Variants in KLHL30 observed in about 807,000 individuals in gnomAD.
KLHL30 encodes kelch-like protein 30.
Under a neutral mutation model 55.0 loss-of-function variants are expected in KLHL30, and 55 were observed. The ratio of observed to expected loss-of-function variants is 1.00; its 90% CI spans 0.80 to 1.25. The LOEUF is 1.25. Among genes scored for constraint, KLHL30 ranks in the 50% most tolerant of loss-of-function variants. KLHL30 has a pLI of 0.00. For missense variants in KLHL30, 786 were observed against 811.6 expected (o/e 0.97, Z 0.38); for synonymous variants, 356 against 372.6 (o/e 0.96, Z 0.51).
intron 7 of KLHL30, among the ~76,000 whole-genome samples, chr2:238,149,364 C>G (rs1250564787): frequency 6.6e-6 from 1 of 151,286 alleles, no homozygotes; most frequent in Non-Finnish European, 1.5e-5. Flanking sequence ...GTGGCGCAGG[C>G]TGGGGTGCCC....
intron 1 of KLHL30, among the ~76,000 whole-genome samples, chr2:238,139,827 AGACTT>A: frequency 6.6e-6 from 1 of 152,350 alleles, no homozygotes; most frequent in South Asian, 2.1e-4. Context: ...GCTTGTGCAC[AGACTT>A]GATCTCTCCT....
chr2:238,145,853 C>A (rs1372133841), intron 5 of KLHL30, 21 bp downstream of exon 5: 2 of 1,575,690 alleles, frequency 1.3e-6, no homozygotes, highest in African/African-American at 1.3e-5. Context: ...CCTCTCCACC[C>A]TTCCCTGGGG....
chr2:238,150,853 G>T lies in KLHL30; in HGVS notation c.1525G>T (p.Val509Leu), dbSNP rs1302890043. The T allele has an allele frequency of 5.6e-6, 9 of 1,593,128 alleles. No homozygotes were observed. The highest frequency in any genetic ancestry group is 1.1e-5 in the South Asian group (1 of 87,572). The change falls in exon 8 of 8, where the codon GTG becomes TTG. Residue 509 changes from valine (V) to leucine (L), a missense_variant. Val to Leu is a conservative substitution (Grantham distance 32, BLOSUM62 1). Coordinates refer to ENST00000409223, the MANE Select transcript of KLHL30 (RefSeq NM_198582.4). ...CAGCCTGCATGAGAATGGCGCGCTGGTGCCACTGGGTGATGCGCTGTACGT... is the reference window on the plus strand; with the variant it reads ...CAGCCTGCATGAGAATGGCGCGCTGTTGCCACTGGGTGATGCGCTGTACGT... The part of the protein sequence containing the change: ...QHSLHENGAL[V>L]PLGDALYVTG...
At chr2:238,149,311 T>C (rs1324508392) in intron 7 of KLHL30, among the ~76,000 whole-genome samples, 159 bp downstream of exon 7, 5 of 134,306 alleles carry the variant, frequency 3.7e-5, no homozygotes, top group Non-Finnish European at 6.3e-5. Flanking sequence ...GTGAAGGGGG[T>C]GGCGCAGGCT....
chr2:238,151,142 G>C lies in KLHL30; in HGVS notation c.*77G>C, dbSNP rs563523991. ...CTGTGGAACGGCCCCTTTCATTTTC[G>C]CTTATTTGTTCACTCGGAGCTACCA... On this transcript the variant is annotated 3_prime_UTR_variant, in exon 8 of 8. Transcript: ENST00000409223. 1 of 1,497,772 alleles carries C rather than the reference G, an allele frequency of 6.7e-7. No homozygotes were observed. The highest frequency in any genetic ancestry group is 9.0e-7 in the Non-Finnish European group (1 of 1,116,320). The allele number at this position is 1,497,772 out of a possible 1,614,324, so 92.8% of individuals were successfully genotyped here. A position where few individuals can be genotyped will look rare whatever the true frequency, so the allele number is the denominator to read the frequency against.
In KLHL30 at chr2:238,149,521, G is replaced by A. The variant is rs543973041; in HGVS notation, c.1485+369G>A. On this transcript the variant is annotated intron_variant, in intron 7 of 7. Transcript: ENST00000409223. ...GAGTCCCCTTGAGGACAGGGGTGAC[G>A]GTGATGGTGGGAGAACGCGATTTGG... is the stretch of plus-strand genomic sequence containing the variant. 9.2e-5 allele frequency among the ~76,000 whole-genome samples: 14 copies of A among 152,334 alleles called. No individual in the cohort carries two copies. In the South Asian group the frequency reaches 1.4e-3, roughly 16 times the overall value.
chr2:238,141,765 A>G (rs1692546762), intron 2 of KLHL30, among the ~76,000 whole-genome samples: 1 of 152,234 alleles, frequency 6.6e-6, no homozygotes. Context: ...TGGAAGTGGT[A>G]AGATCTGGCC....
chr2:238,150,683 C>T (rs553525152), intron 7 of KLHL30, 131 bp from the exon 8 acceptor site: 2 of 1,050,986 alleles, frequency 1.9e-6, no homozygotes, highest in Admixed American at 2.3e-5. Context: ...ACTCTGCGCT[C>T]ATGCCCTGGA....
chr2:238,143,870 T>C (rs1317685767), intron 3 of KLHL30, among the ~76,000 whole-genome samples: 1 of 152,216 alleles, frequency 6.6e-6, no homozygotes, highest in African/African-American at 2.4e-5. Flanking sequence ...ACACGGTGCC[T>C]GCCCACAGTG....
Position 238,149,131 on chromosome 2 carries a change from C to A in KLHL30, c.1464C>A (p.Pro488=). 6.2e-7 allele frequency: 1 copy of A among 1,612,888 alleles called. No individual in the cohort carries two copies. The highest frequency in any genetic ancestry group is 8.5e-7 in the Non-Finnish European group (1 of 1,179,820). ...DNTKKVYVYD[P]GANLWQKVQS... ...CCAAGAAGGTCTACGTGTACGACCC[C>A]GGGGCCAACCTGTGGCAGAAGGTGG... Residue 488 remains proline (P), a synonymous_variant, in exon 7 of 8, where the codon CCC becomes CCA. Coordinates refer to ENST00000409223, the MANE Select transcript of KLHL30 (RefSeq NM_198582.4).
At position 238,145,787 on chromosome 2, in the gene KLHL30, A is replaced by G; in HGVS notation, c.1105A>G (p.Asn369Asp). The change falls in exon 5 of 8, where the codon AAC becomes GAC. Residue 369 changes from asparagine (N) to aspartate (D), a missense_variant. Transcript: ENST00000409223. The part of the protein sequence containing the change: ...PVAPMLKPRT[N>D]HASAALNGEI... The stretch of plus-strand genomic sequence containing the variant: ...GGCGCCCATGCTGAAGCCCCGCACC[A>G]ACCACGCCAGCGCGGCCCTCAATGG... The G allele has an allele frequency of 6.2e-7, 1 of 1,608,294 alleles. No individual in the cohort carries two copies. The highest frequency in any genetic ancestry group is 1.1e-5 in the South Asian group (1 of 89,682).
At chr2:238,144,701 G>A (rs548153595) in intron 3 of KLHL30, among the ~76,000 whole-genome samples, 39 of 152,248 alleles carry the variant, frequency 2.6e-4, no homozygotes, top group African/African-American at 8.7e-4. Flanking sequence ...CTGCGGAGTG[G>A]GTGGGGGAGA....
rs1165549782 is a variant in KLHL30 at position 238,144,432 on chromosome 2, AAGGCAGGCAGGCAGGC to A, written c.908-432_908-417del. 9.2e-3 allele frequency among the ~76,000 whole-genome samples: 759 copies of A among 82,282 alleles called. 4 individuals carry two copies. The highest frequency in any genetic ancestry group is 0.012 in the Non-Finnish European group (444 of 38,094). The allele number at this position is 82,282 out of a possible 152,430, so 54.0% of individuals were successfully genotyped here. On this transcript the variant is annotated intron_variant, in intron 3 of 7. Coordinates refer to ENST00000409223, the MANE Select transcript of KLHL30 (RefSeq NM_198582.4). ...GAAGGAAGGAAGGAAGGAAGGAAGG[AAGGCAGGCAGGCAGGC>A]AGGCAGGCAGGCAGGCAGGCAGGCA...
rs1692761645 is a variant in KLHL30 at position 238,151,847 on chromosome 2, C to G, written c.*782C>G. On this transcript the variant is annotated 3_prime_UTR_variant, in exon 8 of 8. Transcript: ENST00000409223. ...TTGCCTCCGTCTCTGTGTGTCAGAA[C>G]AAAGGCTCTTCATTAGAATGGAATT... is the stretch of plus-strand genomic sequence containing the variant. 2 of 981,430 alleles carry G rather than the reference C, an allele frequency of 2.0e-6. No individual in the cohort carries two copies. The highest frequency in any genetic ancestry group is 2.4e-6 in the Non-Finnish European group (2 of 826,372). The allele number at this position is 981,430 out of a possible 1,614,324, so 60.8% of individuals were successfully genotyped here. A position where few individuals can be genotyped will look rare whatever the true frequency, so the allele number is the denominator to read the frequency against.
At chr2:238,144,858 G>C in intron 3 of KLHL30, 44 bp from the exon 4 acceptor site, 1 of 1,476,144 alleles carries the variant, frequency 6.8e-7, no homozygotes, top group Non-Finnish European at 9.4e-7. Context: ...CACCCCAGCA[G>C]GGAGCCTGGC....
At chr2:238,141,862 G>T (rs952104792) in intron 2 of KLHL30, among the ~76,000 whole-genome samples, 2 of 152,192 alleles carry the variant, frequency 1.3e-5, no homozygotes, top group African/African-American at 2.4e-5. Flanking sequence ...TGCCTAGGAC[G>T]CATTCTGGGT....
Position 238,141,259 on chromosome 2 carries a change from G to T in KLHL30, c.505G>T (p.Asp169Tyr). Residue 169 changes from aspartate to tyrosine, a missense_variant, in exon 2 of 8, where the codon GAC becomes TAC. Coordinates refer to ENST00000409223, the MANE Select transcript of KLHL30 (RefSeq NM_198582.4). ...GAACTTTGAGGCTGTGGCACGTGAG[G>T]ACGAGTTCCTGCAGCTTCCCCGAGA... ...RENFEAVARE[D>Y]EFLQLPRERL... is the part of the protein sequence containing the mutation. 2 of 1,605,352 alleles carry T rather than the reference G, an allele frequency of 1.2e-6. No homozygotes were observed.
At chr2:238,144,428 AAGGAAGGC>A (rs1186595445) in intron 3 of KLHL30, among the ~76,000 whole-genome samples, 292 of 76,756 alleles carry the variant, frequency 3.8e-3, no homozygotes, top group Admixed American at 0.014. Context: ...GGAAGGAAGG[AAGGAAGGC>A]AGGCAGGCAG....
rs1197683527 is a variant in KLHL30, at chr2:238,147,538, G to A, written c.1151-296G>A. The stretch of plus-strand genomic sequence containing the variant: ...ATGACTCCCAGCACATGAGGGGCCT[G>A]GGGGCGGGCAGCCTCCTGACAGCTC... On this transcript the variant is annotated intron_variant, in intron 5 of 7. Transcript: ENST00000409223. This position sits in a 1 kb window ranked among gnomAD's most constrained non-coding sequence, Gnocchi z 5.8. 6.6e-6 allele frequency among the ~76,000 whole-genome samples: 1 copy of A among 152,142 alleles called. No homozygotes were observed. The highest frequency in any genetic ancestry group is 2.4e-5 in the African/African-American group (1 of 41,436).
Sources: gnomAD v4.1 joint callset for allele counts (sites outside exome capture counted in the v4.1 genomes callset) on GRCh38, gnomAD v4.1.1 for gene constraint, Gnocchi (gnomAD v3.1) non-coding constraint, MANE v1.5 for transcripts, NCBI Gene and HGNC (gene_info 2026-07-23, HGNC 2026-07-21) for gene names.